SLC5A3: variants seen among roughly 807,000 people sequenced by gnomAD.
SLC5A3 encodes the protein sodium/myo-inositol cotransporter.
In SLC5A3, 10 loss-of-function variants were observed where a neutral mutation model predicts 43.2. That is an observed-to-expected ratio of 0.23 (90% CI 0.14 to 0.39). The LOEUF is 0.39. Among genes scored for constraint, SLC5A3 ranks in the 10% least tolerant of loss-of-function variants. The pLI is 1.00. For synonymous variants in SLC5A3, 349 were observed against 322.0 expected (o/e 1.08, Z -0.90); for missense variants, 608 against 893.4 (o/e 0.68, Z 4.07).
chr21:34,079,617 T>C (rs1287804766), intron 1 of SLC5A3, among the ~76,000 whole-genome samples: 1 of 141,782 alleles, frequency 7.1e-6, no homozygotes, highest in African/African-American at 2.6e-5. Flanking sequence ...TTTTTTTTTT[T>C]TTTTTTTTTT....
intron 1 of SLC5A3, among the ~76,000 whole-genome samples, chr21:34,083,996 G>T (rs1989516164): frequency 6.6e-6 from 1 of 152,150 alleles, no homozygotes; most frequent in Non-Finnish European, 1.5e-5. Context: ...AATGCAAGAG[G>T]AAAATCCAGC....
At chr21:34,074,310 C>T (rs1051648971) in intron 1 of SLC5A3, among the ~76,000 whole-genome samples, 3 of 152,190 alleles carry the variant, frequency 2.0e-5, no homozygotes, top group African/African-American at 4.8e-5. Flanking sequence ...ATTCCAGTCT[C>T]TTGCAATCGC....
intron 1 of SLC5A3, among the ~76,000 whole-genome samples, chr21:34,078,625 C>G (rs1414226344): frequency 6.6e-6 from 1 of 152,050 alleles, no homozygotes; most frequent in Non-Finnish European, 1.5e-5. Flanking sequence ...ATTAAGAGTT[C>G]AAAAGCAATG....
Position 34,101,124 on chromosome 21 carries a change from A to C in SLC5A3, c.*3769A>C, listed in dbSNP as rs761860834. On this transcript the variant is annotated 3_prime_UTR_variant, in exon 2 of 2. Transcript: ENST00000381151. ...GACTTGCCAGGACAAAATTTTCCTAAGAAATCAGAAAAATGATTAAGTGAG... is the reference window on the plus strand; with the variant it reads ...GACTTGCCAGGACAAAATTTTCCTACGAAATCAGAAAAATGATTAAGTGAG... 1.0e-5 allele frequency: 10 copies of C among 1,000,072 alleles called. No homozygotes were observed. The highest frequency in any genetic ancestry group is 1.2e-5 in the Non-Finnish European group (10 of 829,964). 61.9% of individuals were successfully genotyped at this position (1,000,072 alleles called of 1,614,324 possible).
At chr21:34,091,561 CTCTT>C (rs557718118) in intron 1 of SLC5A3, among the ~76,000 whole-genome samples, 44 of 152,048 alleles carry the variant, frequency 2.9e-4, no homozygotes, top group African/African-American at 8.9e-4. Context: ...ACCTTTTTTT[CTCTT>C]TCTATTTGGT....
Position 34,100,499 on chromosome 21 carries a change from A to G in SLC5A3, c.*3144A>G, listed in dbSNP as rs1174525259. The G allele has an allele frequency of 2.0e-6, 2 of 1,000,142 alleles. No individual in the cohort carries two copies. The highest frequency in any genetic ancestry group is 1.7e-5 in the African/African-American group (1 of 57,236). The allele number at this position is 1,000,142 out of a possible 1,614,324, so 62.0% of individuals were successfully genotyped here. A position where few individuals can be genotyped will look rare whatever the true frequency, so the allele number is the denominator to read the frequency against. ...GTGCTGTGTCCTTCGGCCTAAATTC[A>G]ATAGATCTCATCTCCTAGGGCTTCC... On this transcript the variant is annotated 3_prime_UTR_variant, in exon 2 of 2. Transcript: ENST00000381151.
chr21:34,096,241 A>G lies in SLC5A3; in HGVS notation c.1043A>G (p.Asn348Ser), dbSNP rs756396412. Residue 348 changes from asparagine (N) to serine (S), a missense_variant, in exon 2 of 2, where the codon AAT becomes AGT. By Grantham distance (46) the Asn-to-Ser change is conservative (BLOSUM62 1). Coordinates refer to ENST00000381151, the MANE Select transcript of SLC5A3 (RefSeq NM_006933.7). The surrounding 1 kb of genome is among the most constrained non-coding windows in gnomAD (Gnocchi z 5.9). ...LVCGSRAGCS[N>S]IAYPRLVMKL... Reference sequence around the variant, plus strand: ...TGTGGAAGCAGAGCTGGTTGCTCCAATATTGCTTACCCACGCCTGGTGATG... The same window carrying G: ...TGTGGAAGCAGAGCTGGTTGCTCCAGTATTGCTTACCCACGCCTGGTGATG... 8.1e-6 allele frequency: 13 copies of G among 1,614,126 alleles called. No homozygotes were observed. Among genetic ancestry groups the G allele is most frequent in the Admixed American group, 1.7e-5 (1 of 60,016 alleles).
At chr21:34,089,194 A>C (rs898436761) in intron 1 of SLC5A3, among the ~76,000 whole-genome samples, 5 of 22,614 alleles carry the variant, frequency 2.2e-4, no homozygotes, top group African/African-American at 8.2e-4. Flanking sequence ...CACCTGGCTG[A>C]TTTTTGTGTT....
rs1011945040 is a variant in SLC5A3, at chr21:34,102,484, T to C, written c.*5129T>C. On this transcript the variant is annotated 3_prime_UTR_variant, in exon 2 of 2. Transcript: ENST00000381151. ...ACCAACAACCCTAACCATTGGCATATATAGTCTTTCACTCAGAAATAAACA... is the reference window on the plus strand; with the variant it reads ...ACCAACAACCCTAACCATTGGCATACATAGTCTTTCACTCAGAAATAAACA... 1.0e-6 allele frequency: 1 copy of C among 1,000,184 alleles called. No homozygotes were observed. The highest frequency in any genetic ancestry group is 1.2e-6 in the Non-Finnish European group (1 of 829,904). 62.0% of individuals were successfully genotyped at this position (1,000,184 alleles called of 1,614,324 possible).
At chr21:34,078,692 C>T (rs546250549) in intron 1 of SLC5A3, among the ~76,000 whole-genome samples, 1 of 152,144 alleles carries the variant, frequency 6.6e-6, no homozygotes, top group South Asian at 2.1e-4. Flanking sequence ...GTTTGTACTA[C>T]TACATGTTTA....
In SLC5A3 at chr21:34,098,734, C is replaced by T; in HGVS notation, c.*1379C>T. On this transcript the variant is annotated 3_prime_UTR_variant, in exon 2 of 2. Coordinates refer to ENST00000381151, the MANE Select transcript of SLC5A3 (RefSeq NM_006933.7). ...ATTATAGGACTCTAACTTGACATGG[C>T]TTGGCACCCACTTGCAGCTAGTGGG... The T allele has an allele frequency of 9.0e-6, 9 of 1,000,196 alleles. No homozygotes were observed. The highest frequency in any genetic ancestry group is 1.1e-5 in the Non-Finnish European group (9 of 829,988). The allele number at this position is 1,000,196 out of a possible 1,614,324, so 62.0% of individuals were successfully genotyped here.
At chr21:34,077,774 G>A (rs559254749) in intron 1 of SLC5A3, among the ~76,000 whole-genome samples, 1 of 152,100 alleles carries the variant, frequency 6.6e-6, no homozygotes, top group African/African-American at 2.4e-5. Flanking sequence ...TTCTGACTTG[G>A]TTTAATTTGA....
Position 34,103,297 on chromosome 21 carries a change from C to T in SLC5A3, c.*5942C>T, listed in dbSNP as rs1602938808. On this transcript the variant is annotated 3_prime_UTR_variant, in exon 2 of 2. Coordinates refer to ENST00000381151, the MANE Select transcript of SLC5A3 (RefSeq NM_006933.7). ...ATTTGTTATTCCTCTTAAATTTTGT[C>T]GTAACTAGTGAAGGAAGTAAAAAAA... is the stretch of plus-strand genomic sequence containing the variant. 11 of 977,332 alleles carry T rather than the reference C, an allele frequency of 1.1e-5. No homozygotes were observed. Among genetic ancestry groups the T allele is most frequent in the African/African-American group, 3.9e-5 (2 of 51,370 alleles). 60.5% of individuals were successfully genotyped at this position (977,332 alleles called of 1,614,324 possible).
Position 34,096,826 on chromosome 21 carries a change from C to G in SLC5A3, c.1628C>G (p.Thr543Ser), listed in dbSNP as rs957745254. 6.2e-7 allele frequency: 1 copy of G among 1,614,032 alleles called. No individual in the cohort carries two copies. The change falls in exon 2 of 2, where the codon ACC becomes AGC. Residue 543 changes from threonine to serine, a missense_variant. Thr to Ser is a moderately conservative substitution (Grantham distance 58). Transcript: ENST00000381151. This position sits in a 1 kb window ranked among gnomAD's most constrained non-coding sequence, Gnocchi z 5.9. ...CCTCCCACAAAGGAACAGATTCGAA[C>G]CACCACCTTTTGGTCTAAGAAGAAC... ...TPPPTKEQIR[T>S]TTFWSKKNLV...
At chr21:34,074,767 C>T (rs1379232198) in intron 1 of SLC5A3, among the ~76,000 whole-genome samples, 1 of 152,182 alleles carries the variant, frequency 6.6e-6, no homozygotes, top group Non-Finnish European at 1.5e-5. Context: ...GAGGAGTGGA[C>T]GCATTTTTAC....
chr21:34,083,603 G>A (rs560684206), intron 1 of SLC5A3, among the ~76,000 whole-genome samples: 1 of 152,272 alleles, frequency 6.6e-6, no homozygotes, highest in African/African-American at 2.4e-5. Flanking sequence ...TCTTCTGTTG[G>A]TGTACTGCTT....
At position 34,090,494 on chromosome 21, in the gene SLC5A3, C is replaced by G. The variant is rs190312888; in HGVS notation, c.-336-4369C>G. The stretch of plus-strand genomic sequence containing the variant: ...AATAGTTGATGAGACAGTTGGGAGT[C>G]TAAAATGTTTGAGAGAGCTGCATCT... On this transcript the variant is annotated intron_variant, in intron 1 of 1. Coordinates refer to ENST00000381151, the MANE Select transcript of SLC5A3 (RefSeq NM_006933.7). 8.5e-5 allele frequency among the ~76,000 whole-genome samples: 13 copies of G among 152,286 alleles called. No individual in the cohort carries two copies. In the East Asian group the frequency reaches 1.3e-3, roughly 16 times the overall value.
Position 34,096,177 on chromosome 21 carries a change from G to C in SLC5A3, c.979G>C (p.Asp327His), listed in dbSNP as rs1978956492. 6.2e-7 allele frequency: 1 copy of C among 1,614,176 alleles called. No homozygotes were observed. Among genetic ancestry groups the C allele is most frequent in the South Asian group, 1.1e-5 (1 of 91,082 alleles). Residue 327 changes from aspartate (D) to histidine (H), a missense_variant, in exon 2 of 2, where the codon GAT (aspartate) becomes CAT (histidine). By Grantham distance (81) the Asp-to-His change is moderately conservative. Transcript: ENST00000381151. The surrounding 1 kb of genome is among the most constrained non-coding windows in gnomAD (Gnocchi z 5.9). ...GATTTCCAGGATACTGTTTACTGAT[G>C]ATATAGCTTGCATCAACCCAGAGCA... ...GMISRILFTD[D>H]IACINPEHCM...
At chr21:34,075,455 A>G (rs966522449) in intron 1 of SLC5A3, among the ~76,000 whole-genome samples, 5 of 152,028 alleles carry the variant, frequency 3.3e-5, no homozygotes, top group African/African-American at 4.8e-5. Flanking sequence ...TGGAGCACCC[A>G]TTTTTCACTC....
Sources: gnomAD v4.1 joint callset for allele counts (sites outside exome capture counted in the v4.1 genomes callset) on GRCh38, gnomAD v4.1.1 for gene constraint, Gnocchi (gnomAD v3.1) non-coding constraint, MANE v1.5 for transcripts, NCBI Gene and HGNC (gene_info 2026-07-23, HGNC 2026-07-21) for gene names.